ZNF33A: variants seen among roughly 807,000 people sequenced by gnomAD.
The protein encoded by ZNF33A is brain my041 protein.
Under a neutral mutation model 15.9 loss-of-function variants are expected in ZNF33A, and 9 were observed. The ratio of observed to expected loss-of-function variants is 0.57; its 90% confidence interval spans 0.34 to 0.99. The LOEUF (loss-of-function observed/expected upper bound fraction) is 0.99, where lower values mean the gene tolerates loss of function less well. Among genes scored for constraint, ZNF33A ranks in the 50% least tolerant of loss-of-function variants. The pLI, the probability that ZNF33A is intolerant of heterozygous loss-of-function variation, is 0.02. For synonymous variants in ZNF33A, 294 were observed against 324.2 expected, an observed-to-expected ratio of 0.91 and a Z score of 1.00; for missense variants, 843 against 941.6, an observed-to-expected ratio of 0.90 and a Z score of 1.37.
At chr10:38,019,349 T>C (rs1590478342) in intron 4 of ZNF33A, among the ~76,000 whole-genome samples, 1 of 152,246 alleles carries the variant, frequency 6.6e-6, no homozygotes, top group African/African-American at 2.4e-5. Flanking sequence ...TATTCCATGG[T>C]ATATATGTGC....
At chr10:38,039,823 A>T (rs192014130) in intron 4 of ZNF33A, among the ~76,000 whole-genome samples, 1 of 150,898 alleles carries the variant, frequency 6.6e-6, no homozygotes, top group African/African-American at 2.4e-5. Flanking sequence ...TATTTTGTTG[A>T]TCTTTTCCAG....
At chr10:38,023,204 A>G (rs1415070183) in intron 4 of ZNF33A, among the ~76,000 whole-genome samples, 1 of 152,216 alleles carries the variant, frequency 6.6e-6, no homozygotes, top group Non-Finnish European at 1.5e-5. Context: ...TTGGTCTCCC[A>G]AAGTGCTGGG....
intron 3 of ZNF33A, 44 bp from the exon 4 acceptor site, chr10:38,017,247 T>A: frequency 6.3e-7 from 1 of 1,583,230 alleles, no homozygotes; most frequent in East Asian, 2.2e-5. Context: ...AGGCCTGAAG[T>A]CTAGACTGCT....
At chr10:38,065,713 CTT>C (rs35846280), downstream of ZNF33A, among the ~76,000 whole-genome samples, 11 of 142,278 alleles carry the variant, frequency 7.7e-5, no homozygotes, top group Admixed American at 1.4e-4. Context: ...ATGGGACACA[CTT>C]TTTTTTTTTT....
intron 4 of ZNF33A, among the ~76,000 whole-genome samples, chr10:38,025,801 A>G (rs2064961868): frequency 6.6e-6 from 1 of 152,232 alleles, no homozygotes; most frequent in Non-Finnish European, 1.5e-5. Context: ...AAATATATGT[A>G]TCATGAAATT....
rs1423622097 is a variant in ZNF33A, at chr10:38,057,619, T to A, written c.*1059T>A. The A allele has an allele frequency of 1.0e-6, 1 of 984,512 alleles. No homozygotes were observed. Among genetic ancestry groups the A allele is most frequent in the Non-Finnish European group, 1.2e-6 (1 of 829,132 alleles). 61.0% of individuals were successfully genotyped at this position (984,512 alleles called of 1,614,324 possible). On this transcript the variant is annotated 3_prime_UTR_variant, in exon 5 of 5. Transcript: ENST00000432900. ...TGTTTATCCATTTAAAAGGTATAAA[T>A]CAAAATAACAAATTATCTAAAAAAA...
In ZNF33A at chr10:38,058,015, A is replaced by C; in HGVS notation, c.*1455A>C. 1 of 985,192 alleles carries C rather than the reference A, an allele frequency of 1.0e-6. No individual in the cohort carries two copies. Among genetic ancestry groups the C allele is most frequent in the Non-Finnish European group, 1.2e-6 (1 of 829,724 alleles). The allele number at this position is 985,192 out of a possible 1,614,324, so 61.0% of individuals were successfully genotyped here. A position where few individuals can be genotyped will look rare whatever the true frequency, so the allele number is the denominator to read the frequency against. ...GTGTGAAGATTGTACACTATATTAC[A>C]TGATCAGATCATACAAATAATCTAA... On this transcript the variant is annotated 3_prime_UTR_variant, in exon 5 of 5. Coordinates refer to ENST00000432900, the MANE Select transcript of ZNF33A (RefSeq NM_006954.2).
At chr10:38,023,489 C>T (rs1277035786) in intron 4 of ZNF33A, among the ~76,000 whole-genome samples, 3 of 152,044 alleles carry the variant, frequency 2.0e-5, no homozygotes, top group Non-Finnish European at 2.9e-5. Flanking sequence ...TGTAATTAAC[C>T]CAGCATAGGC....
chr10:38,032,107 C>A (rs1179763038), intron 4 of ZNF33A, among the ~76,000 whole-genome samples: 1 of 151,930 alleles, frequency 6.6e-6, no homozygotes, highest in Admixed American at 6.6e-5. Flanking sequence ...GATCTACTGT[C>A]CATTACACAG....
At chr10:38,024,666 A>T (rs564957640) in intron 4 of ZNF33A, among the ~76,000 whole-genome samples, 4 of 152,376 alleles carry the variant, frequency 2.6e-5, no homozygotes, top group Non-Finnish European at 5.9e-5. Flanking sequence ...ATCCAGTGTT[A>T]AGGCTTATTA....
downstream of ZNF33A, among the ~76,000 whole-genome samples, chr10:38,062,851 AAGTT>A (rs2066670465): frequency 1.3e-5 from 2 of 151,610 alleles, no homozygotes; most frequent in Admixed American, 6.6e-5. Flanking sequence ...AAAATAGAAA[AAGTT>A]AGCTGGGTGT....
chr10:38,045,099 AT>A (rs972518333), intron 4 of ZNF33A, among the ~76,000 whole-genome samples: 1 of 151,984 alleles, frequency 6.6e-6, no homozygotes, highest in African/African-American at 2.4e-5. Flanking sequence ...ATGTCTTGTA[AT>A]TTTTTTGTTG....
chr10:38,012,433 T>C, intron 2 of ZNF33A, 83 bp downstream of exon 2: 2 of 1,489,154 alleles, frequency 1.3e-6, no homozygotes, highest in South Asian at 1.2e-5. Context: ...TTGTTTTTTT[T>C]TTTTTTTTTT....
intron 4 of ZNF33A, among the ~76,000 whole-genome samples, chr10:38,044,595 T>G (rs557985552): frequency 6.6e-6 from 1 of 152,204 alleles, no homozygotes; most frequent in Non-Finnish European, 1.5e-5. Context: ...CTTTTCTGTC[T>G]TCTTATTGAT....
At chr10:38,014,656 T>C (rs896398556) in intron 2 of ZNF33A, among the ~76,000 whole-genome samples, 5 of 152,186 alleles carry the variant, frequency 3.3e-5, no homozygotes, top group Non-Finnish European at 7.3e-5. Flanking sequence ...TGTGTACATA[T>C]ATGTCTGTGT....
At chr10:38,047,458 T>A (rs960564567) in intron 4 of ZNF33A, among the ~76,000 whole-genome samples, 2 of 151,146 alleles carry the variant, frequency 1.3e-5, no homozygotes, top group Non-Finnish European at 2.9e-5. Context: ...TGAAACCCCA[T>A]CTCTACTAAA....
intron 2 of ZNF33A, among the ~76,000 whole-genome samples, chr10:38,014,507 A>T (rs573851231): frequency 6.6e-6 from 1 of 152,198 alleles, no homozygotes; most frequent in Non-Finnish European, 1.5e-5. Flanking sequence ...TCACATTTAC[A>T]TCTCTTTCAT....
intron 4 of ZNF33A, among the ~76,000 whole-genome samples, chr10:38,049,971 A>G (rs2066126186): frequency 6.6e-6 from 1 of 152,202 alleles, no homozygotes; most frequent in African/African-American, 2.4e-5. Context: ...GATGAAATGA[A>G]CAGTTTCCTT....
intron 4 of ZNF33A, among the ~76,000 whole-genome samples, chr10:38,037,409 T>G (rs1431857790): frequency 6.6e-6 from 1 of 151,918 alleles, no homozygotes; most frequent in Admixed American, 6.6e-5. Context: ...CTGCAACCTC[T>G]GCCCCCTGGG....
Sources: gnomAD v4.1 joint callset for allele counts (sites outside exome capture counted in the v4.1 genomes callset) on GRCh38, gnomAD v4.1.1 for gene constraint, MANE v1.5 for transcripts, NCBI Gene and HGNC (gene_info 2026-07-23, HGNC 2026-07-21) for gene names.